The following MAP3K5 variants were observed in gnomAD, a reference collection of about 807,000 sequenced individuals.
The protein encoded by MAP3K5 is ASK-1.
MAP3K5 carries 56 observed loss-of-function variants against 158.7 expected under a neutral mutation model. The observed-to-expected ratio is 0.35, with a 90% CI of 0.28 to 0.44. MAP3K5 has a LOEUF of 0.44. MAP3K5 is among the 20% of genes least tolerant of loss of function. The pLI is 1.00. For missense variants in MAP3K5, 1,294 were observed against 1,674.8 expected, an observed-to-expected ratio of 0.77 and a Z score of 3.97; for synonymous variants, 579 against 601.7, an observed-to-expected ratio of 0.96 and a Z score of 0.55.
rs1383773529 is a variant in MAP3K5 at position 136,622,917 on chromosome 6, A to G, written c.2081T>C (p.Val694Ala). 1.2e-6 allele frequency: 2 copies of G among 1,613,632 alleles called. No homozygotes were observed. The highest frequency in any genetic ancestry group is 1.3e-5 in the African/African-American group (1 of 74,908). Reference protein sequence around the residue: ...VVLGKGTYGIVYAGRDLSNQV... With the variant: ...VVLGKGTYGIAYAGRDLSNQV... ...GTTGCTCAAGTCCCGACCTGCGTAG[A>G]CTATCCCATAAGTGCCTTTTCCTAA... The change falls in exon 15 of 30, where the codon GTC becomes GCC. Residue 694 changes from valine (V) to alanine (A), a missense_variant. Val to Ala is a moderately conservative substitution (Grantham distance 64, BLOSUM62 0). This residue lies in a region of MAP3K5 where 690 missense variants were observed against 870.5 expected (regional missense o/e 0.79). Coordinates refer to ENST00000359015, the MANE Select transcript of MAP3K5 (RefSeq NM_005923.4).
intron 19 of MAP3K5, 135 bp downstream of exon 19, chr6:136,605,071 ATCT>A: frequency 2.5e-6 from 2 of 789,522 alleles, no homozygotes; most frequent in South Asian, 3.9e-5. Flanking sequence ...CCGAGAGAGA[ATCT>A]TCTTGACCTT....
chr6:136,751,029 G>C (rs1014061688), intron 1 of MAP3K5, among the ~76,000 whole-genome samples: 1 of 151,996 alleles, frequency 6.6e-6, no homozygotes, highest in Non-Finnish European at 1.5e-5. Flanking sequence ...TATAACCCCA[G>C]TGAGTTGTTT....
At position 136,610,321 on chromosome 6, in the gene MAP3K5, T is replaced by A. The variant is rs547686074; in HGVS notation, c.2521+961A>T. Among the ~76,000 whole-genome samples the A allele has an allele frequency of 2.5e-4, 38 of 152,176 alleles. No homozygotes were observed. The South Asian group carries it at 7.9e-3, about 32-fold the overall frequency. On this transcript the variant is annotated intron_variant, in intron 18 of 29. Coordinates refer to ENST00000359015, the MANE Select transcript of MAP3K5 (RefSeq NM_005923.4). ...CTTCCTCTTGGCTACTGTTACCTTT[T>A]TGGAAATCACTTGGTCTCCACCCTC...
intron 15 of MAP3K5, 24 bp from the exon 16 acceptor site, chr6:136,614,310 G>T: frequency 6.2e-7 from 1 of 1,607,314 alleles, no homozygotes; most frequent in Middle Eastern, 1.7e-4. Flanking sequence ...AATTGTCAAT[G>T]AGTTAATTAT....
chr6:136,757,137 C>T (rs934728026), intron 1 of MAP3K5, among the ~76,000 whole-genome samples: 1 of 152,170 alleles, frequency 6.6e-6, no homozygotes, highest in African/African-American at 2.4e-5. Context: ...TCGTAGGGTT[C>T]CAGCCTGGCT....
At chr6:136,756,998 ATG>A (rs1467594291) in intron 1 of MAP3K5, among the ~76,000 whole-genome samples, 1 of 152,158 alleles carries the variant, frequency 6.6e-6, no homozygotes, top group Admixed American at 6.5e-5. Context: ...CAGTATCTCT[ATG>A]GTTTTCCAGC....
At chr6:136,619,062 T>C (rs1334730504) in intron 15 of MAP3K5, among the ~76,000 whole-genome samples, 1 of 152,082 alleles carries the variant, frequency 6.6e-6, no homozygotes, top group African/African-American at 2.4e-5. Flanking sequence ...TGGACTGACA[T>C]ATGGAGCCTG....
intron 1 of MAP3K5, among the ~76,000 whole-genome samples, chr6:136,772,291 A>T (rs567569061): frequency 6.6e-6 from 1 of 152,292 alleles, no homozygotes; most frequent in South Asian, 2.1e-4. Context: ...TATTAAGTAT[A>T]TGAAATGTTT....
intron 11 of MAP3K5, among the ~76,000 whole-genome samples, chr6:136,647,426 C>T (rs116614241): frequency 0.014 from 2,060 of 152,292 alleles, 56 homozygotes; most frequent in African/African-American, 0.045. Flanking sequence ...CTAACATCAA[C>T]CTTCACACCT....
rs565200204 is a variant in MAP3K5 at position 136,788,021 on chromosome 6, G to A, written c.448+3689C>T. 3.4e-4 allele frequency among the ~76,000 whole-genome samples: 52 copies of A among 152,322 alleles called. 1 individual carries two copies. The highest frequency in any genetic ancestry group is 1.2e-3 in the African/African-American group (51 of 41,562). On this transcript the variant is annotated intron_variant, in intron 1 of 29. Transcript: ENST00000359015. ...ATGAAGTTCAAATTTCAGTGTCCAC[G>A]AATAACGTTTGGTTGGAACATAGTC...
intron 18 of MAP3K5, 147 bp downstream of exon 18, chr6:136,611,135 G>GAAAAA: frequency 6.9e-6 from 1 of 145,362 alleles, no homozygotes; most frequent in Non-Finnish European, 1.3e-5. Flanking sequence ...AAAAAAAAAA[G>GAAAAA]AAAGAAAAGA....
chr6:136,685,742 G>C (rs1258309110), intron 7 of MAP3K5, among the ~76,000 whole-genome samples: 2 of 151,998 alleles, frequency 1.3e-5, no homozygotes, highest in African/African-American at 4.8e-5. Context: ...GCCAGCAACA[G>C]CATTTAAGAA....
chr6:136,620,549 T>C, intron 15 of MAP3K5, among the ~76,000 whole-genome samples: 1 of 152,156 alleles, frequency 6.6e-6, no homozygotes, highest in East Asian at 1.9e-4. Flanking sequence ...GGGTGGGTCC[T>C]TCCTAAGGAA....
At chr6:136,722,834 G>A (rs1045437828) in intron 1 of MAP3K5, among the ~76,000 whole-genome samples, 1 of 151,896 alleles carries the variant, frequency 6.6e-6, no homozygotes, top group African/African-American at 2.4e-5. Flanking sequence ...CTACAGGCAT[G>A]TGTCACCATG....
At chr6:136,666,464 T>C (rs1321569749) in intron 8 of MAP3K5, among the ~76,000 whole-genome samples, 4 of 152,332 alleles carry the variant, frequency 2.6e-5, no homozygotes, top group Middle Eastern at 3.4e-3. Context: ...ATAATTTGTA[T>C]GTTTGCAGAG....
chr6:136,557,416 A>G lies in MAP3K5; in HGVS notation c.*342T>C, dbSNP rs1193708655. On this transcript the variant is annotated 3_prime_UTR_variant, in exon 30 of 30. Coordinates refer to ENST00000359015, the MANE Select transcript of MAP3K5 (RefSeq NM_005923.4). ...GGTGCACGATCACATGAAATGTTAC[A>G]TCCGTTTTGTGTGAAATAAACATTT... 1 of 219,480 alleles carries G rather than the reference A, an allele frequency of 4.6e-6. No individual in the cohort carries two copies. The highest frequency in any genetic ancestry group is 9.1e-6 in the Non-Finnish European group (1 of 110,044). The allele number at this position is 219,480 out of a possible 1,614,324, so 13.6% of individuals were successfully genotyped here.
rs139680497 is a variant in MAP3K5 at position 136,622,046 on chromosome 6, A to G, written c.2150+802T>C. Among the ~76,000 whole-genome samples, 767 of 151,306 alleles carry G rather than the reference A, an allele frequency of 5.1e-3. 6 individuals carry two copies. Among genetic ancestry groups the G allele is most frequent in the African/African-American group, 0.018 (732 of 41,106 alleles). ...GCTTGCAGTGAGCCGAGATCGTGCC[A>G]CTGAACTCCAGCCTGGGTGACAGAG... On this transcript the variant is annotated intron_variant, in intron 15 of 29. Transcript: ENST00000359015.
chr6:136,769,738 G>GGGAAGGAAGGAAGGAA (rs1209835950), intron 1 of MAP3K5, among the ~76,000 whole-genome samples: 13 of 52,308 alleles, frequency 2.5e-4, no homozygotes, highest in African/African-American at 8.7e-4. Context: ...AAGGGAGGAA[G>GGGAAGGAAGGAAGGAA]GGAAGGAAGG....
Position 136,659,215 on chromosome 6 carries a change from T to C in MAP3K5, c.1526+4A>G, listed in dbSNP as rs774292432. ...TGTATCAACATATAATAGCTAATTATTACCATGCTGGTGTCTTCAGTTTAA... is the reference window on the plus strand; with the variant it reads ...TGTATCAACATATAATAGCTAATTACTACCATGCTGGTGTCTTCAGTTTAA... On this transcript the variant is annotated splice_donor_region_variant and intron_variant, in intron 9 of 29. Coordinates refer to ENST00000359015, the MANE Select transcript of MAP3K5 (RefSeq NM_005923.4). 6.2e-7 allele frequency: 1 copy of C among 1,612,174 alleles called. No homozygotes were observed. Among genetic ancestry groups the C allele is most frequent in the Admixed American group, 1.7e-5 (1 of 59,896 alleles).
Sources: gnomAD v4.1 joint callset for allele counts (sites outside exome capture counted in the v4.1 genomes callset) on GRCh38, gnomAD v4.1.1 for gene constraint, gnomAD v4.1.1 regional missense constraint, MANE v1.5 for transcripts, NCBI Gene and HGNC (gene_info 2026-07-23, HGNC 2026-07-21) for gene names.